Variants in CDHR2 observed in about 807,000 individuals in gnomAD.
CDHR2 encodes the protein cadherin-related family member 2.
CDHR2 carries 104 observed loss-of-function variants against 138.6 expected under a neutral mutation model. The observed-to-expected ratio is 0.75, with a 90% CI of 0.64 to 0.88. The LOEUF is 0.88. CDHR2 is among the 40% of genes least tolerant of loss of function. The pLI is 0.00. For missense variants in CDHR2, 1,624 were observed against 1,727.6 expected, an observed-to-expected ratio of 0.94 and a Z score of 1.06; for synonymous variants, 755 against 742.8, an observed-to-expected ratio of 1.02 and a Z score of -0.27.
rs1317864391 is a variant in CDHR2, at chr5:176,584,975, C to T, written c.2694C>T (p.Asp898=). 3 of 1,556,322 alleles carry T rather than the reference C, an allele frequency of 1.9e-6. No individual in the cohort carries two copies. The highest frequency in any genetic ancestry group is 8.7e-7 in the Non-Finnish European group (1 of 1,148,382). ...TCACGCTGGTTGTGCGGGCCTGTGACCTAGCCACGGACCCCGGCTTCCAGG... is the reference window on the plus strand; with the variant it reads ...TCACGCTGGTTGTGCGGGCCTGTGATCTAGCCACGGACCCCGGCTTCCAGG... ...DLVTLVVRAC[D]LATDPGFQAY... The change falls in exon 19 of 32, where the codon GAC becomes GAT. Residue 898 remains aspartate, a synonymous_variant. Coordinates refer to ENST00000261944, the MANE Select transcript of CDHR2 (RefSeq NM_017675.6).
intron 21 of CDHR2, among the ~76,000 whole-genome samples, chr5:176,588,563 CAG>C (rs1335320141): frequency 3.8e-5 from 5 of 132,598 alleles, no homozygotes; most frequent in Admixed American, 7.4e-5. Context: ...GTGAGTGGGA[CAG>C]TGTGTGAGAG....
At chr5:176,565,111 C>G (rs1758050196) in intron 1 of CDHR2, among the ~76,000 whole-genome samples, 2 of 152,152 alleles carry the variant, frequency 1.3e-5, no homozygotes, top group Non-Finnish European at 2.9e-5. Context: ...CATGGCAGGT[C>G]CTGGATTCAG....
At chr5:176,580,022 C>T (rs559525630) in intron 16 of CDHR2, among the ~76,000 whole-genome samples, 1 of 152,112 alleles carries the variant, frequency 6.6e-6, no homozygotes, top group South Asian at 2.1e-4. Flanking sequence ...AAAGGCCTGG[C>T]GGCACAGAGG....
At chr5:176,585,355 C>T (rs1443199863) in intron 19 of CDHR2, among the ~76,000 whole-genome samples, 2 of 152,236 alleles carry the variant, frequency 1.3e-5, no homozygotes, top group Non-Finnish European at 2.9e-5. Context: ...TTGTATCCCA[C>T]TTCTGACACC....
At position 176,550,766 on chromosome 5, in the gene CDHR2, C is replaced by A. The variant is rs114969852; in HGVS notation, c.-16+1352C>A. Among the ~76,000 whole-genome samples, 1,010 of 152,320 alleles carry A rather than the reference C, an allele frequency of 6.6e-3. 5 individuals carry two copies. The highest frequency in any genetic ancestry group is 0.023 in the African/African-American group (950 of 41,572). On this transcript the variant is annotated intron_variant, in intron 1 of 31. Transcript: ENST00000261944. ...CACACTGAAGGAGGACCCACCTCCC[C>A]ACCCTGACCCTCCTGGAGGTCCTGG...
At chr5:176,589,926 A>T (rs1227031860) in intron 24 of CDHR2, 152 bp from the exon 25 acceptor site, 1 of 721,828 alleles carries the variant, frequency 1.4e-6, no homozygotes, top group East Asian at 2.5e-5. Context: ...TTCCTTTTGT[A>T]ATTTTCACAG....
intron 31 of CDHR2, 72 bp from the exon 32 acceptor site, chr5:176,595,460 C>T (rs1759002698): frequency 7.0e-7 from 1 of 1,434,578 alleles, no homozygotes; most frequent in Admixed American, 2.4e-5. Flanking sequence ...GAAGCCCATC[C>T]ACTCCCCTAG....
At chr5:176,565,976 G>C (rs753229521) in intron 3 of CDHR2, among the ~76,000 whole-genome samples, 1 of 152,094 alleles carries the variant, frequency 6.6e-6, no homozygotes, top group African/African-American at 2.4e-5. Flanking sequence ...TCACACCAGC[G>C]CCAAATCATC....
chr5:176,545,421 C>T (rs1285143754), upstream of CDHR2, among the ~76,000 whole-genome samples: 2 of 152,146 alleles, frequency 1.3e-5, no homozygotes, highest in Non-Finnish European at 1.5e-5. Context: ...GGATTACAGG[C>T]GTGAGCCACC....
chr5:176,557,277 C>T (rs113099807), intron 1 of CDHR2, among the ~76,000 whole-genome samples: 12,334 of 152,158 alleles, frequency 0.081, 613 homozygotes, highest in East Asian at 0.16. Flanking sequence ...GTGCTCATGG[C>T]TCCCTGCAGC....
chr5:176,580,784 G>A (rs1758513454), intron 16 of CDHR2, among the ~76,000 whole-genome samples: 1 of 152,294 alleles, frequency 6.6e-6, no homozygotes, highest in African/African-American at 2.4e-5. Context: ...GGCTGAGGCA[G>A]GAGAATCACT....
chr5:176,565,554 C>T, intron 2 of CDHR2, 118 bp from the exon 3 acceptor site: 4 of 1,235,266 alleles, frequency 3.2e-6, no homozygotes, highest in Non-Finnish European at 4.7e-6. Context: ...GGGGAGGAAT[C>T]CAGGCCTGGA....
chr5:176,577,727 C>T lies in CDHR2; in HGVS notation c.1441C>T (p.Pro481Ser). The T allele has an allele frequency of 6.2e-7, 1 of 1,614,232 alleles. No homozygotes were observed. Among genetic ancestry groups the T allele is most frequent in the Non-Finnish European group, 8.5e-7 (1 of 1,180,038 alleles). ...CATTAATGACCACAGGCCCACGTTT[C>T]CCCAGAGCTTGTACGTCCTCACGGT... Reference protein sequence around the residue: ...RDINDHRPTFPQSLYVLTVPE... With the variant: ...RDINDHRPTFSQSLYVLTVPE... The change falls in exon 14 of 32, where the codon CCC (proline) becomes TCC (serine). Residue 481 changes from proline (P) to serine (S), a missense_variant. Physicochemically the swap from Pro to Ser is moderately conservative, Grantham distance 74. Coordinates refer to ENST00000261944, the MANE Select transcript of CDHR2 (RefSeq NM_017675.6).
Position 176,575,112 on chromosome 5 carries a change from A to G in CDHR2, c.524A>G (p.His175Arg). The G allele has an allele frequency of 6.2e-7, 1 of 1,614,162 alleles. No individual in the cohort carries two copies. The highest frequency in any genetic ancestry group is 8.5e-7 in the Non-Finnish European group (1 of 1,180,024). Residue 175 changes from histidine to arginine, a missense_variant, in exon 8 of 32, where the codon CAT (histidine) becomes CGT (arginine). Coordinates refer to ENST00000261944, the MANE Select transcript of CDHR2 (RefSeq NM_017675.6). The part of the protein sequence containing the change: ...KVIPSTGDSE[H>R]LFRILANGSI... ...ATCCCTAGCACTGGGGACAGCGAGCATCTCTTCCGGATCCTGGCCAATGGC... is the reference window on the plus strand; with the variant it reads ...ATCCCTAGCACTGGGGACAGCGAGCGTCTCTTCCGGATCCTGGCCAATGGC...
In CDHR2 at chr5:176,569,725, G is replaced by A. The variant is rs1340320898; in HGVS notation, c.315+715G>A. Among the ~76,000 whole-genome samples the A allele has an allele frequency of 4.6e-5, 7 of 152,234 alleles. No homozygotes were observed. In the South Asian group the frequency reaches 1.2e-3, roughly 27 times the overall value. On this transcript the variant is annotated intron_variant, in intron 5 of 31. Coordinates refer to ENST00000261944, the MANE Select transcript of CDHR2 (RefSeq NM_017675.6). ...CTCTTATTTCCCACTTTGGGAGGCC[G>A]AGGTGGGCAGATCACCTGAGGTCAG... is the stretch of plus-strand genomic sequence containing the variant.
At chr5:176,591,099 T>G in intron 28 of CDHR2, 111 bp from the exon 29 acceptor site, 1 of 714,050 alleles carries the variant, frequency 1.4e-6, no homozygotes, top group East Asian at 2.7e-5. Context: ...CTCTGTAAAA[T>G]AGAGCTAACA....
Position 176,550,683 on chromosome 5 carries a change from G to T in CDHR2, c.-16+1269G>T, listed in dbSNP as rs1012985539. On this transcript the variant is annotated intron_variant, in intron 1 of 31. Transcript: ENST00000261944. ...GTGCATGGCGAGCTGGCCGTGTAGC[G>T]GTGGCGGTGCTGGGGGAGCTCTGTA... Among the ~76,000 whole-genome samples, 24 of 152,206 alleles carry T rather than the reference G, an allele frequency of 1.6e-4. 1 individual carries two copies. Among genetic ancestry groups the T allele is most frequent in the Admixed American group, 1.5e-3 (23 of 15,282 alleles).
At chr5:176,589,006 A>G in intron 21 of CDHR2, 25 bp from the exon 22 acceptor site, 2 of 1,611,948 alleles carry the variant, frequency 1.2e-6, no homozygotes, top group Non-Finnish European at 1.7e-6. Flanking sequence ...CTGGGCCCCC[A>G]GATATTGTCC....
Position 176,576,659 on chromosome 5 carries a change from C to A in CDHR2, c.1194+474C>A, listed in dbSNP as rs539101888. The stretch of plus-strand genomic sequence containing the variant: ...TGGCCCAATCTTGGCCCACTGCAAC[C>A]TCTGCCTCCCAGGTGGAAGGGATTC... On this transcript the variant is annotated intron_variant, in intron 12 of 31. Transcript: ENST00000261944. This position sits in a 1 kb window ranked among gnomAD's most constrained non-coding sequence, Gnocchi z 4.5. Among the ~76,000 whole-genome samples the A allele has an allele frequency of 1.3e-5, 2 of 151,710 alleles. No homozygotes were observed. Among genetic ancestry groups the A allele is most frequent in the Non-Finnish European group, 2.9e-5 (2 of 67,928 alleles).
Sources: allele counts gnomAD v4.1 joint callset (sites outside exome capture counted in the v4.1 genomes callset), GRCh38; gene constraint gnomAD v4.1.1; non-coding constraint Gnocchi (gnomAD v3.1); transcripts MANE v1.5; gene names NCBI Gene and HGNC (gene_info 2026-07-23, HGNC 2026-07-21).